Variants in ST8SIA6 observed in about 807,000 individuals in gnomAD.
The protein encoded by ST8SIA6 is alpha-2,8-sialyltransferase 8F.
ST8SIA6 carries 39 observed loss-of-function variants against 33.6 expected under a neutral mutation model. The ratio of observed to expected loss-of-function variants is 1.16; its 90% CI spans 0.90 to 1.52. The LOEUF is 1.52. Among genes scored for constraint, ST8SIA6 ranks in the 40% most tolerant of loss-of-function variants. ST8SIA6 has a pLI of 0.00. For missense variants in ST8SIA6, 441 were observed against 443.8 expected (o/e 0.99, Z 0.06); for synonymous variants, 172 against 167.2 (o/e 1.03, Z -0.22).
intron 2 of ST8SIA6, among the ~76,000 whole-genome samples, chr10:17,424,918 A>G (rs903988273): frequency 2.6e-5 from 4 of 151,890 alleles, no homozygotes; most frequent in Non-Finnish European, 5.9e-5. Flanking sequence ...ATTTTTTAGT[A>G]GAGACGGGGT....
intron 2 of ST8SIA6, among the ~76,000 whole-genome samples, chr10:17,400,188 C>T (rs1451257292): frequency 1.3e-5 from 2 of 152,132 alleles, no homozygotes; most frequent in African/African-American, 4.8e-5. Flanking sequence ...CAGTTAACTG[C>T]AACTTGGAGT....
chr10:17,412,239 A>G (rs1453606191), intron 2 of ST8SIA6, among the ~76,000 whole-genome samples: 1 of 151,912 alleles, frequency 6.6e-6, no homozygotes, highest in East Asian at 1.9e-4. Context: ...CTGCTAGCCT[A>G]TCCCTCATCC....
chr10:17,418,108 G>A (rs1851658772), intron 2 of ST8SIA6, among the ~76,000 whole-genome samples: 1 of 152,200 alleles, frequency 6.6e-6, no homozygotes, highest in Admixed American at 6.5e-5. Flanking sequence ...ACCCAGGCTG[G>A]AGTACAGTAG....
intron 3 of ST8SIA6, among the ~76,000 whole-genome samples, chr10:17,378,217 T>G (rs1456744108): frequency 6.6e-6 from 1 of 152,228 alleles, no homozygotes. Flanking sequence ...TAACCACTTT[T>G]GTTGATGCAC....
At chr10:17,404,640 C>T (rs759898852) in intron 2 of ST8SIA6, among the ~76,000 whole-genome samples, 5 of 152,156 alleles carry the variant, frequency 3.3e-5, no homozygotes, top group African/African-American at 9.7e-5. Context: ...TCACCCTAGT[C>T]AGCCTTACCC....
At chr10:17,333,699 A>ATC (rs1848387546) in intron 4 of ST8SIA6, among the ~76,000 whole-genome samples, 1 of 23,038 alleles carries the variant, frequency 4.3e-5, no homozygotes. Context: ...ATATATATAT[A>ATC]TATATATATA....
chr10:17,434,658 G>A (rs903123495), intron 2 of ST8SIA6, among the ~76,000 whole-genome samples: 3 of 152,148 alleles, frequency 2.0e-5, no homozygotes, highest in African/African-American at 4.8e-5. Context: ...CTTCCTGAAA[G>A]TACAGTGCAA....
Position 17,318,372 on chromosome 10 carries a change from T to C in ST8SIA6, c.*2506A>G. 3.5e-6 allele frequency: 1 copy of C among 283,080 alleles called. No homozygotes were observed. Among genetic ancestry groups the C allele is most frequent in the Non-Finnish European group, 6.8e-6 (1 of 146,368 alleles). 17.5% of individuals were successfully genotyped at this position (283,080 alleles called of 1,614,324 possible). A position where few individuals can be genotyped will look rare whatever the true frequency, so the allele number is the denominator to read the frequency against. The stretch of plus-strand genomic sequence containing the variant: ...CTGGGACCACAGGTGCACGCCACTA[T>C]GCTCAGCTAATTTTTTTGTTTTTTG... On this transcript the variant is annotated 3_prime_UTR_variant, in exon 8 of 8. Transcript: ENST00000377602.
At chr10:17,346,978 A>G (rs1848860457) in intron 4 of ST8SIA6, among the ~76,000 whole-genome samples, 1 of 152,190 alleles carries the variant, frequency 6.6e-6, no homozygotes. Context: ...ACATCCAGGC[A>G]GGAGTTGATT....
intron 3 of ST8SIA6, among the ~76,000 whole-genome samples, chr10:17,378,303 A>G (rs1849988204): frequency 1.3e-5 from 2 of 152,206 alleles, no homozygotes. Context: ...TCGCTCACTC[A>G]GGTGTTTTGC....
intron 3 of ST8SIA6, among the ~76,000 whole-genome samples, chr10:17,371,215 T>C (rs1053653258): frequency 5.9e-5 from 9 of 151,912 alleles, no homozygotes; most frequent in Admixed American, 4.6e-4. Context: ...AAGTGCAAAG[T>C]TGAGAGGGAA....
intron 3 of ST8SIA6, among the ~76,000 whole-genome samples, chr10:17,364,877 G>A (rs190517633): frequency 1.5e-4 from 23 of 152,304 alleles, no homozygotes; most frequent in African/African-American, 5.5e-4. Flanking sequence ...ATCTTGGGAG[G>A]TAGCTCTGCT....
intron 4 of ST8SIA6, among the ~76,000 whole-genome samples, chr10:17,342,863 C>T (rs143570939): frequency 9.9e-5 from 15 of 152,176 alleles, no homozygotes; most frequent in East Asian, 3.9e-4. Context: ...GTGGGAGGAT[C>T]GCTTGAACCC....
intron 3 of ST8SIA6, among the ~76,000 whole-genome samples, chr10:17,378,884 T>A (rs975675646): frequency 6.6e-6 from 1 of 152,048 alleles, no homozygotes; most frequent in Non-Finnish European, 1.5e-5. Flanking sequence ...CCCAACACTT[T>A]GGGAGGTCAA....
intron 2 of ST8SIA6, chr10:17,408,026 A>G (rs1481281941): frequency 1.3e-5 from 2 of 152,626 alleles, no homozygotes; most frequent in African/African-American, 4.8e-5. Context: ...GGGGACATCT[A>G]ACATAATTAT....
chr10:17,379,193 G>C (rs1230316223), intron 3 of ST8SIA6, among the ~76,000 whole-genome samples: 2 of 151,742 alleles, frequency 1.3e-5, no homozygotes, highest in Non-Finnish European at 2.9e-5. Context: ...GCAACTTGTA[G>C]AGAAATACAG....
chr10:17,449,059 AAC>A (rs1172822004), intron 2 of ST8SIA6, among the ~76,000 whole-genome samples: 2 of 151,820 alleles, frequency 1.3e-5, no homozygotes, highest in East Asian at 3.8e-4. Context: ...TGTAATTATA[AAC>A]AGTTTAGAAT....
At chr10:17,428,932 G>T (rs866841347) in intron 2 of ST8SIA6, among the ~76,000 whole-genome samples, 21 of 152,188 alleles carry the variant, frequency 1.4e-4, no homozygotes, top group African/African-American at 4.6e-4. Context: ...ATATGAATGG[G>T]GGTTGAACGC....
intron 2 of ST8SIA6, among the ~76,000 whole-genome samples, chr10:17,414,924 C>T (rs1851557090): frequency 6.6e-6 from 1 of 152,090 alleles, no homozygotes; most frequent in South Asian, 2.1e-4. Context: ...AATGTCCCTG[C>T]TCTCATCAAA....
Sources: allele counts gnomAD v4.1 joint callset (sites outside exome capture counted in the v4.1 genomes callset), GRCh38; gene constraint gnomAD v4.1.1; transcripts MANE v1.5; gene names NCBI Gene and HGNC (gene_info 2026-07-23, HGNC 2026-07-21).